Variants in ANKRD11 observed in about 807,000 individuals in gnomAD.
The protein encoded by ANKRD11 is ankyrin repeat domain 11.
A neutral mutation model predicts 195.7 loss-of-function variants in ANKRD11; 17 were observed. That is an observed-to-expected ratio of 0.09 (90% CI 0.06 to 0.13). ANKRD11 has a LOEUF of 0.13. ANKRD11 is among the 10% of genes least tolerant of loss of function. ANKRD11 has a pLI of 1.00. For synonymous variants in ANKRD11, 1,953 were observed against 1,528.1 expected (o/e 1.28, Z -6.49); for missense variants, 3,735 against 3,566.1 (o/e 1.05, Z -1.21).
At chr16:89,288,722 C>T (rs774781971) in intron 6 of ANKRD11, 52 bp from the exon 7 acceptor site, 3 of 1,613,206 alleles carry the variant, frequency 1.9e-6, no homozygotes, top group Non-Finnish European at 2.5e-6. Context: ...AACTTCCCTC[C>T]TGTCTCTGGA....
At chr16:89,481,995 C>T (rs1211890080) in intron 1 of ANKRD11, among the ~76,000 whole-genome samples, 1 of 151,984 alleles carries the variant, frequency 6.6e-6, no homozygotes, top group East Asian at 1.9e-4. Context: ...GATCTATGAT[C>T]TCTCTTTTCA....
rs181435617 is a variant in ANKRD11, at chr16:89,455,257, C to A, written c.-145+34988G>T. ...GCTCCCCTGGGTGCTGTTAGGCTTC[C>A]TCAAGCTGCTCCCCTGGGTGCTTCT... On this transcript the variant is annotated intron_variant, in intron 1 of 12. Coordinates refer to ENST00000301030, the MANE Select transcript of ANKRD11 (RefSeq NM_013275.6). Among the ~76,000 whole-genome samples the A allele has an allele frequency of 2.4e-3, 354 of 149,654 alleles. 1 individual carries two copies. The highest frequency in any genetic ancestry group is 8.0e-3 in the African/African-American group (324 of 40,604).
intron 1 of ANKRD11, among the ~76,000 whole-genome samples, chr16:89,467,843 C>T (rs1451252209): frequency 1.3e-5 from 2 of 151,984 alleles, no homozygotes; most frequent in East Asian, 1.9e-4. Flanking sequence ...CTCTGTTGCC[C>T]GGGCTCAAGT....
intron 2 of ANKRD11, among the ~76,000 whole-genome samples, chr16:89,326,292 A>C (rs1166063012): frequency 6.6e-6 from 1 of 152,172 alleles, no homozygotes; most frequent in Admixed American, 6.5e-5. Flanking sequence ...CACGCAGGGA[A>C]GAGGAAGGTT....
At chr16:89,349,861 AACACACACACACACACACACACACACAC>A (rs34592614) in intron 2 of ANKRD11, among the ~76,000 whole-genome samples, 20 of 133,238 alleles carry the variant, frequency 1.5e-4, no homozygotes, top group African/African-American at 5.7e-4. Context: ...TACTTGTTAA[AACACACACACACACACACACACACACAC>A]ACACACACAC....
chr16:89,272,749 G>C (rs1181643941), intron 11 of ANKRD11: 1 of 152,116 alleles, frequency 6.6e-6, no homozygotes, highest in Non-Finnish European at 1.5e-5. Flanking sequence ...CTATAGCTAA[G>C]GCTTGTGTCC....
chr16:89,396,507 T>C (rs2041437429), intron 2 of ANKRD11, among the ~76,000 whole-genome samples: 2 of 152,206 alleles, frequency 1.3e-5, no homozygotes, highest in South Asian at 4.1e-4. Flanking sequence ...AAAAGCTATT[T>C]ATTAAAAATA....
intron 1 of ANKRD11, chr16:89,431,141 CTTTG>C (rs1160531926): frequency 1.3e-5 from 2 of 152,108 alleles, no homozygotes; most frequent in Non-Finnish European, 2.9e-5. Context: ...AAACCTGCCT[CTTTG>C]TTTATTAAGA....
chr16:89,417,472 G>C (rs913411610), intron 2 of ANKRD11, among the ~76,000 whole-genome samples: 1 of 152,184 alleles, frequency 6.6e-6, no homozygotes, highest in Admixed American at 6.5e-5. Context: ...AGCGACACGT[G>C]CTTGCTCAGA....
chr16:89,290,668 C>A lies in ANKRD11; in HGVS notation c.558G>T (p.Glu186Asp). ...AIRGDARRIKELISEGADVNV... is the reference protein window; with the variant it reads ...AIRGDARRIKDLISEGADVNV... ...TGACGTCTGCCCCCTCGCTGATGAG[C>A]TCTTTGATGCGCCGGGCGTCCCCGC... is the stretch of plus-strand genomic sequence containing the variant. Residue 186 changes from glutamate to aspartate, a missense_variant, in exon 6 of 13, where the codon GAG (glutamate) becomes GAT (aspartate). Transcript: ENST00000301030. The A allele has an allele frequency of 6.2e-7, 1 of 1,613,904 alleles. No homozygotes were observed. Among genetic ancestry groups the A allele is most frequent in the Non-Finnish European group, 8.5e-7 (1 of 1,180,018 alleles).
At chr16:89,346,944 C>T (rs1302149153) in intron 2 of ANKRD11, among the ~76,000 whole-genome samples, 1 of 152,174 alleles carries the variant, frequency 6.6e-6, no homozygotes, top group African/African-American at 2.4e-5. Context: ...ACAAGCTACA[C>T]GACACAATAG....
chr16:89,300,329 G>A (rs1394855873), intron 4 of ANKRD11: 4 of 209,066 alleles, frequency 1.9e-5, no homozygotes, highest in South Asian at 1.8e-4. Context: ...CCCCACACAC[G>A]TGAGTGCCTT....
chr16:89,456,983 G>A (rs1358817770), intron 1 of ANKRD11, among the ~76,000 whole-genome samples: 9 of 141,852 alleles, frequency 6.3e-5, no homozygotes, highest in Non-Finnish European at 1.2e-4. Flanking sequence ...TTTTTGAGAC[G>A]GAGTCTCGCT....
At chr16:89,416,017 T>C (rs2042296204) in intron 2 of ANKRD11, among the ~76,000 whole-genome samples, 1 of 151,808 alleles carries the variant, frequency 6.6e-6, no homozygotes, top group South Asian at 2.1e-4. Context: ...GCTAAGGGCC[T>C]TCCTCGTATT....
intron 1 of ANKRD11, among the ~76,000 whole-genome samples, chr16:89,469,465 C>T (rs1277421509): frequency 6.6e-6 from 1 of 152,048 alleles, no homozygotes; most frequent in African/African-American, 2.4e-5. Flanking sequence ...TCAGGTGATC[C>T]ACCCACCTTG....
intron 3 of ANKRD11, 128 bp downstream of exon 3, chr16:89,316,805 G>A (rs2036984718): frequency 3.5e-6 from 4 of 1,151,642 alleles, no homozygotes; most frequent in East Asian, 2.6e-5. Context: ...TCCACTCCTG[G>A]CTGCAGACAG....
At position 89,291,581 on chromosome 16, in the gene ANKRD11, T is replaced by G; in HGVS notation, c.227-398A>C. 1.0e-6 allele frequency: 1 copy of G among 971,878 alleles called. No individual in the cohort carries two copies. The highest frequency in any genetic ancestry group is 1.4e-6 in the Non-Finnish European group (1 of 694,968). The allele number at this position is 971,878 out of a possible 1,614,324, so 60.2% of individuals were successfully genotyped here. ...TTCAATACACGTGTCTGTAATTCAA[T>G]TCCACCTTCCCCGTCCCTCCTCCAA... On this transcript the variant is annotated intron_variant, in intron 4 of 12. Coordinates refer to ENST00000301030, the MANE Select transcript of ANKRD11 (RefSeq NM_013275.6). The surrounding 1 kb of genome is among the most constrained non-coding windows in gnomAD (Gnocchi z 5.3).
chr16:89,346,917 G>C (rs562080545), intron 2 of ANKRD11, among the ~76,000 whole-genome samples: 1 of 152,244 alleles, frequency 6.6e-6, no homozygotes, highest in South Asian at 2.1e-4. Context: ...TATTTTAAAT[G>C]ACCTATAAAA....
intron 2 of ANKRD11, among the ~76,000 whole-genome samples, chr16:89,337,303 C>T (rs999669048): frequency 2.0e-5 from 3 of 151,808 alleles, no homozygotes; most frequent in Non-Finnish European, 2.9e-5. Flanking sequence ...TCAGGTGGCT[C>T]GGAATCCTCC....
Sources: gnomAD v4.1 joint callset for allele counts (sites outside exome capture counted in the v4.1 genomes callset) on GRCh38, gnomAD v4.1.1 for gene constraint, Gnocchi (gnomAD v3.1) non-coding constraint, MANE v1.5 for transcripts, NCBI Gene and HGNC (gene_info 2026-07-23, HGNC 2026-07-21) for gene names.